SMCHD1: variants seen among roughly 807,000 people sequenced by gnomAD.
SMCHD1 encodes structural maintenance of chromosomes flexible hinge domain-containing protein 1.
SMCHD1 carries 78 observed loss-of-function variants against 254.7 expected under a neutral mutation model. The ratio of observed to expected loss-of-function variants is 0.31; its 90% CI spans 0.26 to 0.37. The LOEUF is 0.37. Among genes scored for constraint, SMCHD1 ranks in the 10% least tolerant of loss-of-function variants. The pLI, the probability that SMCHD1 is intolerant of heterozygous loss-of-function variation, is 1.00. For synonymous variants in SMCHD1, 766 were observed against 794.9 expected, an observed-to-expected ratio of 0.96 and a Z score of 0.61; for missense variants, 1,840 against 2,408.1, an observed-to-expected ratio of 0.76 and a Z score of 4.94.
chr18:2,759,862 G>A (rs115338128), intron 34 of SMCHD1, among the ~76,000 whole-genome samples: 1,533 of 152,030 alleles, frequency 0.01, 19 homozygotes, highest in African/African-American at 0.035. Context: ...GAGCCACTGC[G>A]CCCAGCCTTG....
chr18:2,747,796 TTAAAA>T, intron 30 of SMCHD1, 149 bp downstream of exon 30: 1 of 693,418 alleles, frequency 1.4e-6, no homozygotes, highest in Non-Finnish European at 2.2e-6. Flanking sequence ...TCAAAAATTT[TTAAAA>T]TTATTTTGAG....
chr18:2,789,856 G>A (rs1397991495), intron 45 of SMCHD1, among the ~76,000 whole-genome samples: 1 of 152,164 alleles, frequency 6.6e-6, no homozygotes, highest in Non-Finnish European at 1.5e-5. Flanking sequence ...CACTGTAGAA[G>A]CCAGAATGTA....
At chr18:2,748,338 A>G in intron 30 of SMCHD1, among the ~76,000 whole-genome samples, 1 of 131,442 alleles carries the variant, frequency 7.6e-6, no homozygotes, top group Non-Finnish European at 1.5e-5. Flanking sequence ...TAGTCTTTGC[A>G]AAGTTGTGTG....
At chr18:2,746,305 ATT>A (rs1468647881) in intron 29 of SMCHD1, among the ~76,000 whole-genome samples, 1 of 152,204 alleles carries the variant, frequency 6.6e-6, no homozygotes, top group Admixed American at 6.5e-5. Context: ...TTTTTCTACT[ATT>A]TTCTAGAAAA....
intron 45 of SMCHD1, among the ~76,000 whole-genome samples, chr18:2,793,588 C>A (rs535017196): frequency 5.4e-5 from 8 of 146,966 alleles, no homozygotes; most frequent in Non-Finnish European, 4.5e-5. Context: ...TGGCGTGAAC[C>A]CGGGAGGTGG....
At chr18:2,730,349 T>A (rs1450597124) in intron 24 of SMCHD1, among the ~76,000 whole-genome samples, 1 of 152,094 alleles carries the variant, frequency 6.6e-6, no homozygotes, top group South Asian at 2.1e-4. Context: ...TTTTTGTATT[T>A]TTAGTAGAGA....
intron 10 of SMCHD1, among the ~76,000 whole-genome samples, chr18:2,698,680 T>C (rs537080940): frequency 3.2e-4 from 49 of 151,318 alleles, no homozygotes; most frequent in African/African-American, 1.0e-3. Context: ...CACCTTTTTT[T>C]CCCCCCCCAG....
At chr18:2,754,989 T>C (rs545235786) in intron 34 of SMCHD1, among the ~76,000 whole-genome samples, 115 of 152,214 alleles carry the variant, frequency 7.6e-4, no homozygotes, top group Non-Finnish European at 1.4e-3. Context: ...AGAGATGCAA[T>C]TGATTTATGT....
chr18:2,727,198 C>T (rs1387634746), intron 22 of SMCHD1: 1 of 152,102 alleles, frequency 6.6e-6, no homozygotes, highest in Non-Finnish European at 1.5e-5. Context: ...TCATTAACAC[C>T]TACTGTACCA....
At chr18:2,657,028 T>C (rs1210488020) in intron 1 of SMCHD1, among the ~76,000 whole-genome samples, 1 of 152,046 alleles carries the variant, frequency 6.6e-6, no homozygotes, top group African/African-American at 2.4e-5. Flanking sequence ...AGATATGAGG[T>C]GGTGGCATTG....
In SMCHD1 at chr18:2,775,861, A is replaced by G. The variant is rs564741755; in HGVS notation, c.5303A>G (p.Gln1768Arg). ...GCACGTCGTATCTATGATGAAACCC[A>G]AGGTCGTCAGCAGGTGTTGCCCCTT... ...DAARRIYDETQGRQQVLPLDS... is the reference protein window; with the variant it reads ...DAARRIYDETRGRQQVLPLDS... The change falls in exon 42 of 48, where the codon CAA becomes CGA. Residue 1768 changes from glutamine to arginine, a missense_variant. By Grantham distance (43) the Gln-to-Arg change is conservative (BLOSUM62 1). Coordinates refer to ENST00000320876, the MANE Select transcript of SMCHD1 (RefSeq NM_015295.3). 3.1e-6 allele frequency: 5 copies of G among 1,612,232 alleles called. No individual in the cohort carries two copies. In the South Asian group the frequency reaches 5.5e-5, roughly 18 times the overall value.
rs753309932 is a variant in SMCHD1, at chr18:2,796,549, C to A, written c.5993+28C>A. 4 of 1,440,848 alleles carry A rather than the reference C, an allele frequency of 2.8e-6. No individual in the cohort carries two copies. In the South Asian group the frequency reaches 4.9e-5, roughly 18 times the overall value. 89.3% of individuals were successfully genotyped at this position (1,440,848 alleles called of 1,614,324 possible). A position where few individuals can be genotyped will look rare whatever the true frequency, so the allele number is the denominator to read the frequency against. The stretch of plus-strand genomic sequence containing the variant: ...GAGTTTGTTTGACCTGAGAATTATG[C>A]TTGGTTAGTTTACCAAAGTTCTTGG... On this transcript the variant is annotated intron_variant, in intron 47 of 47. Coordinates refer to ENST00000320876, the MANE Select transcript of SMCHD1 (RefSeq NM_015295.3).
rs116108623 is a variant in SMCHD1, at chr18:2,740,355, A to G, written c.3515-348A>G. Among the ~76,000 whole-genome samples, 687 of 152,220 alleles carry G rather than the reference A, an allele frequency of 4.5e-3. 7 individuals are homozygous for G. The highest frequency in any genetic ancestry group is 0.015 in the African/African-American group (630 of 41,534). ...TCACTGATGGGCATTTGGGTTAAAA[A>G]ATTCTTTTTTAAACATAAAAGTATA... On this transcript the variant is annotated intron_variant, in intron 27 of 47. Transcript: ENST00000320876.
chr18:2,712,158 G>A (rs1056709556), intron 17 of SMCHD1, among the ~76,000 whole-genome samples: 1 of 151,816 alleles, frequency 6.6e-6, no homozygotes, highest in Non-Finnish European at 1.5e-5. Context: ...TGCTGAATTT[G>A]GCTTGCTAGC....
chr18:2,691,734 G>A (rs1391567056), intron 7 of SMCHD1: 2 of 152,334 alleles, frequency 1.3e-5, no homozygotes, highest in Middle Eastern at 3.4e-3. Flanking sequence ...ATGATGCCAG[G>A]AATCTGAAGT....
chr18:2,722,426 A>C (rs1428096272), intron 19 of SMCHD1, 93 bp from the exon 20 acceptor site: 3 of 1,064,802 alleles, frequency 2.8e-6, no homozygotes, highest in Non-Finnish European at 4.1e-6. Flanking sequence ...AGATTTCTAA[A>C]ATTTCTCAGA....
chr18:2,700,454 G>T, intron 10 of SMCHD1, 85 bp from the exon 11 acceptor site: 1 of 1,385,102 alleles, frequency 7.2e-7, no homozygotes. Flanking sequence ...TTTATAGAAT[G>T]CAATTTGAAA....
chr18:2,750,351 G>C lies in SMCHD1; in HGVS notation c.4009G>C (p.Gly1337Arg). 1 of 1,606,982 alleles carries C rather than the reference G, an allele frequency of 6.2e-7. No homozygotes were observed. ...CCCTCTCCTCTTTTGTTTTGTTAGGGGAGAGCATACTCTTCAGGTTAAAGC... is the reference window on the plus strand; with the variant it reads ...CCCTCTCCTCTTTTGTTTTGTTAGGCGAGAGCATACTCTTCAGGTTAAAGC... Reference protein sequence around the residue: ...LGVFSVFAPRGEHTLQVKAIY... With the variant: ...LGVFSVFAPRREHTLQVKAIY... The change falls in exon 32 of 48, where the codon GGA becomes CGA. Residue 1337 changes from glycine to arginine, a missense_variant and splice_region_variant. Coordinates refer to ENST00000320876, the MANE Select transcript of SMCHD1 (RefSeq NM_015295.3).
chr18:2,759,015 C>G (rs1273383255), intron 34 of SMCHD1, among the ~76,000 whole-genome samples: 1 of 152,050 alleles, frequency 6.6e-6, no homozygotes, highest in South Asian at 2.1e-4. Flanking sequence ...TCTGTTAAGT[C>G]CCTCCTTCAG....
Sources: allele counts gnomAD v4.1 joint callset (sites outside exome capture counted in the v4.1 genomes callset), GRCh38; gene constraint gnomAD v4.1.1; transcripts MANE v1.5; gene names NCBI Gene and HGNC (gene_info 2026-07-23, HGNC 2026-07-21).